ARMC3: variants seen among roughly 807,000 people sequenced by gnomAD.
ARMC3 encodes armadillo repeat-containing protein 3.
In ARMC3, 74 loss-of-function variants were observed where a neutral mutation model predicts 90.3. The ratio of observed to expected loss-of-function variants is 0.82; its 90% CI spans 0.68 to 0.99. The LOEUF is 0.99. ARMC3 is among the 50% of genes least tolerant of loss of function. The pLI is 0.00. For missense variants in ARMC3, 958 were observed against 1,042.8 expected, an observed-to-expected ratio of 0.92 and a Z score of 1.12; for synonymous variants, 334 against 361.8, an observed-to-expected ratio of 0.92 and a Z score of 0.87.
At chr10:23,001,230 A>T (rs1175495387) in intron 11 of ARMC3, among the ~76,000 whole-genome samples, 1 of 152,182 alleles carries the variant, frequency 6.6e-6, no homozygotes, top group Non-Finnish European at 1.5e-5. Flanking sequence ...AATGACCATC[A>T]CTTGGCTTAA....
At chr10:22,936,051 TA>T (rs1834096225) in intron 2 of ARMC3, among the ~76,000 whole-genome samples, 1 of 152,248 alleles carries the variant, frequency 6.6e-6, no homozygotes, top group Non-Finnish European at 1.5e-5. Flanking sequence ...TGTGATGATT[TA>T]TTTTCACTGA....
intron 8 of ARMC3, among the ~76,000 whole-genome samples, chr10:22,971,591 C>T (rs1224504546): frequency 6.6e-6 from 1 of 151,862 alleles, no homozygotes; most frequent in Non-Finnish European, 1.5e-5. Context: ...CAGGCACGCA[C>T]CACCACACCC....
intron 16 of ARMC3, among the ~76,000 whole-genome samples, chr10:23,022,294 A>T (rs1306681007): frequency 6.6e-6 from 1 of 152,160 alleles, no homozygotes; most frequent in East Asian, 1.9e-4. Context: ...GAAAAGCAAC[A>T]TTTTTCTCTC....
At chr10:22,985,188 T>G (rs994421538) in intron 10 of ARMC3, among the ~76,000 whole-genome samples, 2 of 151,620 alleles carry the variant, frequency 1.3e-5, no homozygotes, top group African/African-American at 4.8e-5. Flanking sequence ...GCCTCTGCAG[T>G]GAGCTCCCTC....
rs1564394715 is a variant in ARMC3, at chr10:23,010,931, CTT to C, written c.2045+2001_2045+2002del. ...TCCCCTCTTCTTCCCTTCCCTCCCC[CTT>C]CCTTCCTTTCCCTTCCCTTCCCTGT... On this transcript the variant is annotated intron_variant, in intron 16 of 18. Transcript: ENST00000298032. Among the ~76,000 whole-genome samples the C allele has an allele frequency of 7.1e-3, 28 of 3,952 alleles. 1 individual carries two copies. Among genetic ancestry groups the C allele is most frequent in the Non-Finnish European group, 0.022 (19 of 872 alleles). 2.6% of individuals were successfully genotyped at this position (3,952 alleles called of 152,430 possible).
chr10:23,011,060 C>G (rs1837993545), intron 16 of ARMC3, among the ~76,000 whole-genome samples: 1 of 150,408 alleles, frequency 6.6e-6, no homozygotes, highest in Admixed American at 6.7e-5. Context: ...CTTTCCATTC[C>G]TTGTCCTTTT....
Position 22,981,369 on chromosome 10 carries a change from G to A in ARMC3, c.946G>A (p.Glu316Lys). 3.7e-6 allele frequency: 6 copies of A among 1,605,656 alleles called. No homozygotes were observed. Among genetic ancestry groups the A allele is most frequent in the Non-Finnish European group, 5.1e-6 (6 of 1,177,932 alleles). ...PENRKLFHEQ[E>K]VEKCLVALLG... Reference sequence around the variant, plus strand: ...AAATAGAAAACTTTTTCATGAACAAGAGGTTGAAAAGTGCCTTGTAGCCCT... The same window carrying A: ...AAATAGAAAACTTTTTCATGAACAAAAGGTTGAAAAGTGCCTTGTAGCCCT... The change falls in exon 9 of 19, where the codon GAG becomes AAG. Residue 316 changes from glutamate to lysine, a missense_variant. Physicochemically the swap from Glu to Lys is moderately conservative, Grantham distance 56. Coordinates refer to ENST00000298032, the MANE Select transcript of ARMC3 (RefSeq NM_173081.5).
chr10:22,974,636 TTTTG>T (rs777481352), intron 8 of ARMC3, among the ~76,000 whole-genome samples: 279 of 151,958 alleles, frequency 1.8e-3, no homozygotes, highest in Non-Finnish European at 3.1e-3. Flanking sequence ...ATCTGTTTTT[TTTTG>T]TTTGTTTGTT....
At chr10:22,931,627 C>T (rs1833935034) in intron 1 of ARMC3, among the ~76,000 whole-genome samples, 3 of 152,304 alleles carry the variant, frequency 2.0e-5, no homozygotes, top group Middle Eastern at 6.8e-3. Flanking sequence ...CTTTGTGGCA[C>T]AAACATTCTT....
intron 8 of ARMC3, among the ~76,000 whole-genome samples, chr10:22,971,818 G>A (rs1158747460): frequency 4.6e-5 from 7 of 152,062 alleles, no homozygotes; most frequent in Admixed American, 2.6e-4. Flanking sequence ...CATAACCAAT[G>A]CACAAGAGTT....
intron 16 of ARMC3, among the ~76,000 whole-genome samples, chr10:23,013,716 A>T (rs2131509831): frequency 6.6e-6 from 1 of 152,342 alleles, no homozygotes; most frequent in South Asian, 2.1e-4. Flanking sequence ...TTAGATCTCC[A>T]GAACACAGCC....
At chr10:23,023,149 G>GCAGCCCTGAAATA (rs1417315181) in intron 16 of ARMC3, among the ~76,000 whole-genome samples, 1 of 152,132 alleles carries the variant, frequency 6.6e-6, no homozygotes, top group African/African-American at 2.4e-5. Context: ...CTGGGTCCTT[G>GCAGCCCTGAAATA]CAGCCCTGAA....
intron 2 of ARMC3, 47 bp downstream of exon 2, chr10:22,932,091 A>G (rs1375225809): frequency 1.3e-6 from 2 of 1,516,650 alleles, no homozygotes; most frequent in Non-Finnish European, 1.8e-6. Context: ...AACCAGTTAT[A>G]AAAATAAATT....
At chr10:22,998,442 A>G (rs1424866973) in intron 11 of ARMC3, 45 bp downstream of exon 11, 1 of 1,602,216 alleles carries the variant, frequency 6.2e-7, no homozygotes, top group African/African-American at 1.3e-5. Flanking sequence ...TCTGGTTAGT[A>G]CCTACTGGTG....
chr10:22,992,416 G>A (rs1836750812), intron 10 of ARMC3, among the ~76,000 whole-genome samples: 3 of 151,890 alleles, frequency 2.0e-5, no homozygotes, highest in Non-Finnish European at 4.4e-5. Flanking sequence ...ATATTTCCTA[G>A]CATTTTGCGG....
At chr10:22,929,605 T>TG (rs762066234) in intron 1 of ARMC3, among the ~76,000 whole-genome samples, 6 of 152,126 alleles carry the variant, frequency 3.9e-5, no homozygotes, top group African/African-American at 1.2e-4. Flanking sequence ...TGGAGTGCAA[T>TG]GGGGTGATCT....
At chr10:22,998,007 T>G (rs927520074) in intron 10 of ARMC3, 141 bp from the exon 11 acceptor site, 1 of 1,002,854 alleles carries the variant, frequency 1.0e-6, no homozygotes, top group Admixed American at 2.9e-5. Flanking sequence ...AGCACTCAAT[T>G]CTGGGTTCAT....
rs112819197 is a variant in ARMC3, at chr10:23,014,527, A to G, written c.2045+5596A>G. 4,490 of 996,844 alleles carry G rather than the reference A, an allele frequency of 4.5e-3. 155 individuals are homozygous for G. In the African/African-American group the frequency reaches 0.073, roughly 16 times the overall value. 61.7% of individuals were successfully genotyped at this position (996,844 alleles called of 1,614,324 possible). On this transcript the variant is annotated intron_variant, in intron 16 of 18. Transcript: ENST00000298032. ...ATTTTATGTTAAAAAGAGTGAGACA[A>G]TAGCAAAGACATGGGATCAACCTAA...
rs953884302 is a variant in ARMC3 at position 22,986,112 on chromosome 10, C to G, written c.1175+4412C>G. Among the ~76,000 whole-genome samples the G allele has an allele frequency of 2.7e-5, 4 of 145,734 alleles. 1 individual carries two copies. The highest frequency in any genetic ancestry group is 5.0e-5 in the African/African-American group (2 of 40,272). On this transcript the variant is annotated intron_variant, in intron 10 of 18. Transcript: ENST00000298032. ...ACCCCCACACCCCTGCACTGCACGC[C>G]CCCCCCCCGCGCCACACACCAACCA...
Sources: allele counts gnomAD v4.1 joint callset (sites outside exome capture counted in the v4.1 genomes callset), GRCh38; gene constraint gnomAD v4.1.1; transcripts MANE v1.5; gene names NCBI Gene and HGNC (gene_info 2026-07-23, HGNC 2026-07-21).